Variants in LITAF observed in about 807,000 individuals in gnomAD.
LITAF encodes lipopolysaccharide induced TNF factor.
Under a neutral mutation model 14.5 loss-of-function variants are expected in LITAF, and 9 were observed. The ratio of observed to expected loss-of-function variants is 0.62; its 90% CI spans 0.37 to 1.08. The LOEUF (loss-of-function observed/expected upper bound fraction) is 1.08, where lower values mean the gene tolerates loss of function less well. LITAF is among the 50% of genes least tolerant of loss of function. The probability of loss-of-function intolerance (pLI) is 0.01; values close to 1 mark genes in which losing one functional copy is unlikely to be tolerated. For missense variants in LITAF, 206 were observed against 213.4 expected (o/e 0.97, Z 0.22); for synonymous variants, 98 against 88.2 (o/e 1.11, Z -0.62).
chr16:11,603,968 A>G (rs2064941746), intron 3 of LITAF, among the ~76,000 whole-genome samples: 1 of 151,946 alleles, frequency 6.6e-6, no homozygotes, highest in South Asian at 2.1e-4. Context: ...AATGGCATGA[A>G]CCTGGGAGGC....
intron 3 of LITAF, among the ~76,000 whole-genome samples, chr16:11,630,804 C>T (rs2065114072): frequency 1.3e-5 from 2 of 151,814 alleles, no homozygotes; most frequent in Admixed American, 6.6e-5. Context: ...CTATGTTGGC[C>T]AGGCTGGTCT....
At chr16:11,551,682 A>G (rs1419356643) in intron 3 of LITAF, 5 of 633,146 alleles carry the variant, frequency 7.9e-6, no homozygotes, top group Middle Eastern at 4.0e-4. Flanking sequence ...AAATTTAAAA[A>G]TTAGCTAGGT....
chr16:11,595,979 C>T (rs756689505), intron 1 of LITAF, among the ~76,000 whole-genome samples: 23 of 152,090 alleles, frequency 1.5e-4, no homozygotes, highest in Non-Finnish European at 2.9e-4. Flanking sequence ...GTGAGATCTG[C>T]CTCTGGCCAG....
In LITAF at chr16:11,548,212, C is replaced by G. The variant is rs2064132516; in HGVS notation, c.*1425G>C. Reference sequence around the variant, plus strand: ...ACATAGTAGTATTCACATGAGTTCCCTATTCTGAAGTATTATCAAAACGAG... The same window carrying G: ...ACATAGTAGTATTCACATGAGTTCCGTATTCTGAAGTATTATCAAAACGAG... On this transcript the variant is annotated 3_prime_UTR_variant, in exon 4 of 4. Coordinates refer to ENST00000622633, the MANE Select transcript of LITAF (RefSeq NM_001136472.2). 1 of 453,952 alleles carries G rather than the reference C, an allele frequency of 2.2e-6. No homozygotes were observed. The highest frequency in any genetic ancestry group is 2.0e-5 in the African/African-American group (1 of 49,970). The allele number at this position is 453,952 out of a possible 1,614,324, so 28.1% of individuals were successfully genotyped here.
At chr16:11,636,177 C>T (rs2065137388) in intron 1 of LITAF, 1 of 152,166 alleles carries the variant, frequency 6.6e-6, no homozygotes, top group East Asian at 1.9e-4. Context: ...CTGGGGCAAT[C>T]AGGTGTGCTT....
In LITAF at chr16:11,605,059, G is replaced by C. The variant is rs1250792268; in HGVS notation, c.85+28474C>G. Among the ~76,000 whole-genome samples, 1 of 152,198 alleles carries C rather than the reference G, an allele frequency of 6.6e-6. No homozygotes were observed. Among genetic ancestry groups the C allele is most frequent in the African/African-American group, 2.4e-5 (1 of 41,458 alleles). On this transcript the variant is annotated intron_variant, in intron 3 of 3. Transcript: ENST00000574848. This position sits in a 1 kb window ranked among gnomAD's most constrained non-coding sequence, Gnocchi z 4.7. Reference sequence around the variant, plus strand: ...CAGGAATCGGCCAGGACCACTGCTGGACGTGGGGCACTTGAATGGGTCCCT... The same window carrying C: ...CAGGAATCGGCCAGGACCACTGCTGCACGTGGGGCACTTGAATGGGTCCCT...
At chr16:11,574,001 G>A (rs972537369) in intron 1 of LITAF, among the ~76,000 whole-genome samples, 12 of 121,944 alleles carry the variant, frequency 9.8e-5, no homozygotes, top group African/African-American at 3.9e-4. Context: ...GGTGCCCGGC[G>A]TTTTTTTGGT....
rs754366895 is a variant in LITAF at position 11,549,318 on chromosome 16, G to A, written c.*319C>T. The A allele has an allele frequency of 2.6e-5, 12 of 457,694 alleles. No individual in the cohort carries two copies. The highest frequency in any genetic ancestry group is 1.4e-4 in the Admixed American group (6 of 42,678). 28.4% of individuals were successfully genotyped at this position (457,694 alleles called of 1,614,324 possible). On this transcript the variant is annotated 3_prime_UTR_variant, in exon 4 of 4. Coordinates refer to ENST00000622633, the MANE Select transcript of LITAF (RefSeq NM_001136472.2). The surrounding 1 kb of genome is among the most constrained non-coding windows in gnomAD (Gnocchi z 4.6). ...GAAGCAGGAAAAAAGAGCCACTGAT[G>A]GCAGATCACAGGAAGATATTCGGAT...
chr16:11,638,741 ACCC>A (rs2065153209), upstream of LITAF, among the ~76,000 whole-genome samples: 1 of 142,450 alleles, frequency 7.0e-6, no homozygotes, highest in African/African-American at 2.7e-5. Context: ...AAAAAAAAAA[ACCC>A]TGGAAATTTA....
chr16:11,575,149 A>G (rs2064611207), intron 1 of LITAF, among the ~76,000 whole-genome samples: 1 of 151,894 alleles, frequency 6.6e-6, no homozygotes, highest in Admixed American at 6.6e-5. Context: ...GTTTTCCTCC[A>G]GGGGGTTCTA....
At chr16:11,594,121 G>A (rs2064866484) in intron 1 of LITAF, among the ~76,000 whole-genome samples, 1 of 151,882 alleles carries the variant, frequency 6.6e-6, no homozygotes, top group African/African-American at 2.4e-5. Flanking sequence ...GGGAGGCAGA[G>A]GTTGCAGTGA....
intron 1 of LITAF, among the ~76,000 whole-genome samples, chr16:11,578,695 T>G (rs2064683686): frequency 6.6e-6 from 1 of 152,238 alleles, no homozygotes; most frequent in Non-Finnish European, 1.5e-5. Flanking sequence ...TGTGACAGGA[T>G]GAGAAGGACA....
intron 1 of LITAF, among the ~76,000 whole-genome samples, chr16:11,598,054 C>T (rs1020333151): frequency 1.3e-5 from 2 of 152,108 alleles, no homozygotes; most frequent in African/African-American, 2.4e-5. Flanking sequence ...TACAGGCATG[C>T]GCCACCACGC....
intron 3 of LITAF, among the ~76,000 whole-genome samples, chr16:11,550,783 A>G (rs1259618414): frequency 6.6e-6 from 1 of 151,988 alleles, no homozygotes; most frequent in Non-Finnish European, 1.5e-5. Flanking sequence ...GGTGGAAGCC[A>G]CCACACACCC....
chr16:11,608,279 T>C (rs1298619543), intron 3 of LITAF, among the ~76,000 whole-genome samples: 1 of 152,082 alleles, frequency 6.6e-6, no homozygotes, highest in Non-Finnish European at 1.5e-5. Flanking sequence ...CTGTCCCTCG[T>C]TATGGTGAGA....
At chr16:11,609,954 C>T (rs895729970) in intron 3 of LITAF, among the ~76,000 whole-genome samples, 1 of 150,012 alleles carries the variant, frequency 6.7e-6, no homozygotes, top group African/African-American at 2.5e-5. Context: ...GAGGTCCCCG[C>T]CTGTCATTTA....
upstream of LITAF, among the ~76,000 whole-genome samples, chr16:11,601,929 TG>T (rs1351244749): frequency 6.6e-6 from 1 of 152,296 alleles, no homozygotes; most frequent in African/African-American, 2.4e-5. Flanking sequence ...TGTGCCTAGA[TG>T]GGATGTTCTT....
chr16:11,574,666 C>T (rs1400645619), intron 1 of LITAF, among the ~76,000 whole-genome samples: 1 of 152,148 alleles, frequency 6.6e-6, no homozygotes, highest in African/African-American at 2.4e-5. Context: ...CAGCACCTGG[C>T]CCTGGGACCT....
At chr16:11,625,253 C>T (rs2141899069) in intron 3 of LITAF, among the ~76,000 whole-genome samples, 1 of 146,604 alleles carries the variant, frequency 6.8e-6, no homozygotes, top group African/African-American at 2.7e-5. Flanking sequence ...CCCGAGATCA[C>T]CTCCCAAAAA....
Sources: allele counts gnomAD v4.1 joint callset (sites outside exome capture counted in the v4.1 genomes callset), GRCh38; gene constraint gnomAD v4.1.1; non-coding constraint Gnocchi (gnomAD v3.1); transcripts MANE v1.5; gene names NCBI Gene and HGNC (gene_info 2026-07-23, HGNC 2026-07-21).